TNXB: variants seen among roughly 807,000 people sequenced by gnomAD.
The protein encoded by TNXB is tenascin XB.
A neutral mutation model predicts 340.5 loss-of-function variants in TNXB; 183 were observed. The ratio of observed to expected loss-of-function variants is 0.54; its 90% CI spans 0.48 to 0.61. TNXB has a LOEUF of 0.61. Among genes scored for constraint, TNXB ranks in the 20% least tolerant of loss-of-function variants. TNXB has a pLI of 0.00. For synonymous variants in TNXB, 2,121 were observed against 2,314.5 expected (o/e 0.92, Z 2.40); for missense variants, 4,613 against 5,446.4 (o/e 0.85, Z 4.82).
At position 32,069,724 on chromosome 6, in the gene TNXB, A is replaced by G. The variant is rs184813324; in HGVS notation, c.5416T>C (p.Phe1806Leu). 3.0e-4 allele frequency: 485 copies of G among 1,612,774 alleles called. No homozygotes were observed. Among genetic ancestry groups the G allele is most frequent in the Non-Finnish European group, 3.7e-4 (432 of 1,179,570 alleles). Residue 1806 changes from phenylalanine (F) to leucine (L), a missense_variant, in exon 15 of 44, where the codon TTT (phenylalanine) becomes CTT (leucine). Physicochemically the swap from Phe to Leu is conservative, Grantham distance 22 (BLOSUM62 0). Around this residue, in one of 7 missense-constraint regions of TNXB, gnomAD observed 4,327 missense variants for 4,859.4 expected, o/e 0.89. Coordinates refer to ENST00000644971, the MANE Select transcript of TNXB (RefSeq NM_001365276.2). This position sits in a 1 kb window ranked among gnomAD's most constrained non-coding sequence, Gnocchi z 6.2. ...WTVPEGQFDS[F>L]VVQYKDRDGQ... ...TCCCTGTCTTTGTACTGGACCACAA[A>G]GGAGTCAAACTGGCCCTCAGGGACT...
Position 32,087,787 on chromosome 6 carries a change from C to G in TNXB, c.2779+998G>C, listed in dbSNP as rs761476140. ...CAGGTCCTGCACCGTGCCGCGGAAA[C>G]GGCTCAGCTCGGCCGTCAGGTTGCC... is the stretch of plus-strand genomic sequence containing the variant. On this transcript the variant is annotated intron_variant, in intron 6 of 43. Coordinates refer to ENST00000644971, the MANE Select transcript of TNXB (RefSeq NM_001365276.2). The surrounding 1 kb of genome is among the most constrained non-coding windows in gnomAD (Gnocchi z 9.0). 1 of 510,572 alleles carries G rather than the reference C, an allele frequency of 2.0e-6. No homozygotes were observed. The highest frequency in any genetic ancestry group is 2.0e-5 in the African/African-American group (1 of 50,872). The allele number at this position is 510,572 out of a possible 1,614,324, so 31.6% of individuals were successfully genotyped here. A position where few individuals can be genotyped will look rare whatever the true frequency, so the allele number is the denominator to read the frequency against.
Position 32,052,848 on chromosome 6 carries a change from G to C in TNXB, c.8937C>G (p.Phe2979Leu). ...CCTTGTACTGCACAGTGAAGGAGTC[G>C]AAGCGGCCCTGGGGGATGGTCCAGG... ...SLSWTIPQGR[F>L]DSFTVQYKDR... The change falls in exon 26 of 44, where the codon TTC (phenylalanine) becomes TTG (leucine). Residue 2979 changes from phenylalanine (F) to leucine (L), a missense_variant. Physicochemically the swap from Phe to Leu is conservative, Grantham distance 22 (BLOSUM62 0). This residue lies in a region of TNXB where 4,327 missense variants were observed against 4,859.4 expected (regional missense o/e 0.89). Coordinates refer to ENST00000644971, the MANE Select transcript of TNXB (RefSeq NM_001365276.2). The surrounding 1 kb of genome is among the most constrained non-coding windows in gnomAD (Gnocchi z 4.7). The C allele has an allele frequency of 1.2e-6, 2 of 1,613,478 alleles. No homozygotes were observed. Among genetic ancestry groups the C allele is most frequent in the East Asian group, 4.5e-5 (2 of 44,888 alleles).
intron 23 of TNXB, 51 bp from the exon 24 acceptor site, chr6:32,056,225 A>G: frequency 6.4e-7 from 1 of 1,569,702 alleles, no homozygotes; most frequent in Non-Finnish European, 8.7e-7. Flanking sequence ...GGATGTGCTC[A>G]GGTCTTCAAG....
In TNXB at chr6:32,087,839, G is replaced by C. The variant is rs1405812599; in HGVS notation, c.2779+946C>G. ...CAAGGCCGCCGTGGGGGCTGGGACA[G>C]GCTTGGCCTGGGCGGGGACTCCTCC... is the stretch of plus-strand genomic sequence containing the variant. On this transcript the variant is annotated intron_variant, in intron 6 of 43. Transcript: ENST00000644971. The surrounding 1 kb of genome is among the most constrained non-coding windows in gnomAD (Gnocchi z 9.0). 4.0e-6 allele frequency: 2 copies of C among 493,886 alleles called. No homozygotes were observed. Among genetic ancestry groups the C allele is most frequent in the Non-Finnish European group, 8.0e-6 (2 of 248,716 alleles). 30.6% of individuals were successfully genotyped at this position (493,886 alleles called of 1,614,324 possible).
chr6:32,081,280 G>T lies in TNXB; in HGVS notation c.4042+88C>A. On this transcript the variant is annotated intron_variant, in intron 10 of 43. Coordinates refer to ENST00000644971, the MANE Select transcript of TNXB (RefSeq NM_001365276.2). This position sits in a 1 kb window ranked among gnomAD's most constrained non-coding sequence, Gnocchi z 5.1. Reference sequence around the variant, plus strand: ...TGGCAAAATGAGCTGAGAAGGCGAAGATGGAGGGAGGCTGGAAGGAGCCCC... The same window carrying T: ...TGGCAAAATGAGCTGAGAAGGCGAATATGGAGGGAGGCTGGAAGGAGCCCC... The T allele has an allele frequency of 7.4e-7, 1 of 1,347,094 alleles. No homozygotes were observed. 83.4% of individuals were successfully genotyped at this position (1,347,094 alleles called of 1,614,324 possible). A position where few individuals can be genotyped will look rare whatever the true frequency, so the allele number is the denominator to read the frequency against.
Position 32,081,526 on chromosome 6 carries a change from T to C in TNXB, c.3884A>G (p.Tyr1295Cys). 1 of 1,607,532 alleles carries C rather than the reference T, an allele frequency of 6.2e-7. No individual in the cohort carries two copies. The highest frequency in any genetic ancestry group is 8.5e-7 in the Non-Finnish European group (1 of 1,177,132). Residue 1295 changes from tyrosine (Y) to cysteine (C), a missense_variant, in exon 10 of 44, where the codon TAC (tyrosine) becomes TGC (cysteine). This residue lies in a region of TNXB where 4,327 missense variants were observed against 4,859.4 expected (regional missense o/e 0.89). Coordinates refer to ENST00000644971, the MANE Select transcript of TNXB (RefSeq NM_001365276.2). This position sits in a 1 kb window ranked among gnomAD's most constrained non-coding sequence, Gnocchi z 5.1. ...QGPFDSFMVQ[Y>C]KDAQGQPQAV... The stretch of plus-strand genomic sequence containing the variant: ...CTGGGGCTGCCCCTGTGCATCCTTG[T>C]ACTGGACCATGAATGAGTCGAAGGG...
chr6:32,093,927 C>T (rs1780194672), intron 4 of TNXB, among the ~76,000 whole-genome samples: 2 of 151,704 alleles, frequency 1.3e-5, no homozygotes, highest in Admixed American at 6.6e-5. Flanking sequence ...AACCCCGTCT[C>T]TACTAAAAAT....
In TNXB at chr6:32,069,242, G is replaced by C; in HGVS notation, c.5588-106C>G. ...GAGTGAGGGCAAGCAGTCAGCAATC[G>C]AAAGACCAGCTTTTGCTGCACATGG... On this transcript the variant is annotated intron_variant, in intron 15 of 43. Transcript: ENST00000644971. This position sits in a 1 kb window ranked among gnomAD's most constrained non-coding sequence, Gnocchi z 6.2. 1.7e-6 allele frequency: 2 copies of C among 1,161,422 alleles called. No homozygotes were observed. Among genetic ancestry groups the C allele is most frequent in the Non-Finnish European group, 2.4e-6 (2 of 841,792 alleles). The allele number at this position is 1,161,422 out of a possible 1,614,324, so 71.9% of individuals were successfully genotyped here.
chr6:32,086,670 T>C (rs763082414), intron 6 of TNXB, among the ~76,000 whole-genome samples: 1 of 152,310 alleles, frequency 6.6e-6, no homozygotes, highest in Admixed American at 6.5e-5. Flanking sequence ...ACATCGTTCC[T>C]GTGGGAGAGA....
At chr6:32,099,669 C>G (rs1780609410) in intron 1 of TNXB, among the ~76,000 whole-genome samples, 1 of 151,904 alleles carries the variant, frequency 6.6e-6, no homozygotes, top group Middle Eastern at 3.4e-3. Context: ...TGGCTTCTCT[C>G]TCTTTTTTAT....
chr6:32,061,262 C>T lies in TNXB; in HGVS notation c.7492+135G>A. ...ACAAGCAAACCGCTAGCATAGGCCACAGCCACAGGGCACAGAGGGAGGGCA... is the reference window on the plus strand; with the variant it reads ...ACAAGCAAACCGCTAGCATAGGCCATAGCCACAGGGCACAGAGGGAGGGCA... On this transcript the variant is annotated intron_variant, in intron 21 of 43. Coordinates refer to ENST00000644971, the MANE Select transcript of TNXB (RefSeq NM_001365276.2). This position sits in a 1 kb window ranked among gnomAD's most constrained non-coding sequence, Gnocchi z 4.4. 1.5e-6 allele frequency: 2 copies of T among 1,368,626 alleles called. No individual in the cohort carries two copies. The highest frequency in any genetic ancestry group is 2.0e-6 in the Non-Finnish European group (2 of 1,014,176). 84.8% of individuals were successfully genotyped at this position (1,368,626 alleles called of 1,614,324 possible).
chr6:32,052,962 T>C lies in TNXB; in HGVS notation c.8823A>G (p.Glu2941=). Reference sequence around the variant, plus strand: ...GGGGCTCCGGGGCCTCCGTGCTGGGTTCTGTGGGGGCGGGAGTTTCTTCCT... The same window carrying C: ...GGGGCTCCGGGGCCTCCGTGCTGGGCTCTGTGGGGGCGGGAGTTTCTTCCT... The part of the protein sequence containing the change: ...AAEEETPAPT[E]PSTEAPEPPE... Residue 2941 remains glutamate, a synonymous_variant, in exon 26 of 44, where the codon GAA becomes GAG. Transcript: ENST00000644971. The surrounding 1 kb of genome is among the most constrained non-coding windows in gnomAD (Gnocchi z 4.7). The C allele has an allele frequency of 6.2e-7, 1 of 1,611,720 alleles. No individual in the cohort carries two copies. Among genetic ancestry groups the C allele is most frequent in the Middle Eastern group, 1.7e-4 (1 of 6,054 alleles).
intron 1 of TNXB, among the ~76,000 whole-genome samples, chr6:32,105,553 T>C (rs911569001): frequency 6.6e-6 from 1 of 152,140 alleles, no homozygotes; most frequent in African/African-American, 2.4e-5. Context: ...TTACCGACTA[T>C]ATGAATGAAT....
In TNXB at chr6:32,067,159, G is replaced by GAAAGAAAGAAAGAAAGAAA. The variant is rs1778415309; in HGVS notation, c.6544+483_6544+501dup. On this transcript the variant is annotated intron_variant, in intron 18 of 43. Coordinates refer to ENST00000644971, the MANE Select transcript of TNXB (RefSeq NM_001365276.2). This position sits in a 1 kb window ranked among gnomAD's most constrained non-coding sequence, Gnocchi z 4.2. ...AGAAAGAAAGAAAGAAAGAAAGAAA[G>GAAAGAAAGAAAGAAAGAAA]AAAGAAAGAAAGAAAGAAAGAAAGA... Among the ~76,000 whole-genome samples the GAAAGAAAGAAAGAAAGAAA allele has an allele frequency of 6.6e-6, 1 of 151,356 alleles. No individual in the cohort carries two copies. The highest frequency in any genetic ancestry group is 2.4e-5 in the African/African-American group (1 of 41,160).
At position 32,043,325 on chromosome 6, in the gene TNXB, G is replaced by A. The variant is rs1243295539; in HGVS notation, c.11651-7C>T. On this transcript the variant is annotated splice_polypyrimidine_tract_variant and splice_region_variant and intron_variant, in intron 36 of 43. Transcript: ENST00000644971. ...TCCGCCTGCAGAGGCGGGGCTGGGAGTGTAGAGAGGGGCATCAAGGCCTGC... is the reference window on the plus strand; with the variant it reads ...TCCGCCTGCAGAGGCGGGGCTGGGAATGTAGAGAGGGGCATCAAGGCCTGC... 8.0e-6 allele frequency: 3 copies of A among 376,704 alleles called. No homozygotes were observed. In the African/African-American group the frequency reaches 2.4e-4, roughly 31 times the overall value. 23.3% of individuals were successfully genotyped at this position (376,704 alleles called of 1,614,324 possible). A position where few individuals can be genotyped will look rare whatever the true frequency, so the allele number is the denominator to read the frequency against.
Position 32,096,297 on chromosome 6 carries a change from G to C in TNXB, c.1556C>G (p.Thr519Ser). ...DGRCVCNPGF[T>S]GEDCGSRRCP... ...GCGACGGCTCCCACAGTCCTCACCG[G>C]TGAAGCCCGGGTTGCACACGCAGCG... Residue 519 changes from threonine to serine, a missense_variant, in exon 3 of 44, where the codon ACC becomes AGC. This residue lies in a region of TNXB where 4,327 missense variants were observed against 4,859.4 expected (regional missense o/e 0.89). Transcript: ENST00000644971. 1 of 1,552,858 alleles carries C rather than the reference G, an allele frequency of 6.4e-7. No individual in the cohort carries two copies. The highest frequency in any genetic ancestry group is 8.7e-7 in the Non-Finnish European group (1 of 1,153,772).
rs772607059 is a variant in TNXB at position 32,052,473 on chromosome 6, GAAAA to G, written c.9115+193_9115+196del. ...CTCAAAAAAAAAAAAAAGAAAGAAA[GAAAA>G]AGAAAGAAATGCATGGTCTCTTGCC... On this transcript the variant is annotated intron_variant, in intron 26 of 43. Transcript: ENST00000644971. This position sits in a 1 kb window ranked among gnomAD's most constrained non-coding sequence, Gnocchi z 4.7. 1.4e-4 allele frequency among the ~76,000 whole-genome samples: 21 copies of G among 151,460 alleles called. No homozygotes were observed. Among genetic ancestry groups the G allele is most frequent in the African/African-American group, 4.4e-4 (18 of 41,260 alleles).
In TNXB at chr6:32,079,292, C is replaced by T. The variant is rs1201119147; in HGVS notation, c.4116G>A (p.Glu1372=). 18 of 1,613,088 alleles carry T rather than the reference C, an allele frequency of 1.1e-5. No individual in the cohort carries two copies. Among genetic ancestry groups the T allele is most frequent in the Non-Finnish European group, 1.4e-5 (17 of 1,179,858 alleles). Residue 1372 remains glutamate (E), a synonymous_variant, in exon 11 of 44, where the codon GAG becomes GAA. Transcript: ENST00000644971. This position sits in a 1 kb window ranked among gnomAD's most constrained non-coding sequence, Gnocchi z 7.1. ...LGTEAPESPE[E]PLLGELTVTG... ...TCACTGTCAGCTCCCCCAGGAGCGG[C>T]TCCTCGGGGGACTCCGGGGCCTCCG...
chr6:32,071,901 G>A (rs1473226322), intron 13 of TNXB, 89 bp downstream of exon 13: 1 of 1,192,696 alleles, frequency 8.4e-7, no homozygotes, highest in African/African-American at 1.5e-5. Context: ...GACAGAGCAG[G>A]TGGACAAAGG....
Sources: allele counts gnomAD v4.1 joint callset (sites outside exome capture counted in the v4.1 genomes callset), GRCh38; gene constraint gnomAD v4.1.1; regional missense constraint gnomAD v4.1.1; non-coding constraint Gnocchi (gnomAD v3.1); transcripts MANE v1.5; gene names NCBI Gene and HGNC (gene_info 2026-07-23, HGNC 2026-07-21).